Variants in AATF observed in about 807,000 individuals in gnomAD.
The protein encoded by AATF is apoptosis antagonizing transcription factor, also known as protein AATF.
AATF carries 48 observed loss-of-function variants against 63.7 expected under a neutral mutation model. That is an observed-to-expected ratio of 0.75 (90% CI 0.60 to 0.96). The LOEUF (loss-of-function observed/expected upper bound fraction) is 0.96, where lower values mean the gene tolerates loss of function less well. Ranked by LOEUF, AATF falls within the 40% of genes least tolerant of loss-of-function variation. AATF has a pLI of 0.00. For missense variants in AATF, 639 were observed against 685.7 expected (o/e 0.93, Z 0.76); for synonymous variants, 258 against 247.7 (o/e 1.04, Z -0.39).
intron 11 of AATF, among the ~76,000 whole-genome samples, chr17:37,035,224 A>G (rs2071582034): frequency 6.6e-6 from 1 of 151,794 alleles, no homozygotes; most frequent in African/African-American, 2.4e-5. Flanking sequence ...ATTTCTTTTT[A>G]TTATTTTTTT....
intron 8 of AATF, among the ~76,000 whole-genome samples, chr17:37,003,074 A>G (rs2071314273): frequency 6.6e-6 from 1 of 152,176 alleles, no homozygotes; most frequent in Admixed American, 6.5e-5. Flanking sequence ...TAATCAAGAC[A>G]TTGTGGTGCT....
intron 4 of AATF, among the ~76,000 whole-genome samples, chr17:36,954,274 G>A (rs1271369493): frequency 1.3e-5 from 2 of 151,694 alleles, no homozygotes; most frequent in Non-Finnish European, 2.9e-5. Context: ...TAGAGACAGG[G>A]TCTCACTGTG....
rs777143565 is a variant in AATF at position 36,953,013 on chromosome 17, G to A, written c.411G>A (p.Lys137=). The change falls in exon 3 of 12, where the codon AAG becomes AAA. Residue 137 remains lysine (K), a synonymous_variant. Transcript: ENST00000619387. ...EQECGDHRES[K]KSRSHSAKTP... ...AGTGTGGTGATCACAGGGAGAGCAA[G>A]AAGAGCAGAAGCCACTCTGCAAAAA... The A allele has an allele frequency of 6.2e-7, 1 of 1,614,174 alleles. No individual in the cohort carries two copies. The highest frequency in any genetic ancestry group is 8.5e-7 in the Non-Finnish European group (1 of 1,180,034).
rs182110877 is a variant in AATF, at chr17:36,963,318, A to G, written c.832+9411A>G. Among the ~76,000 whole-genome samples, 778 of 152,282 alleles carry G rather than the reference A, an allele frequency of 5.1e-3. 2 individuals carry two copies. Among genetic ancestry groups the G allele is most frequent in the Admixed American group, 6.1e-3 (94 of 15,290 alleles). ...GAATATCAATCTAGTGCTTAAAGTT[A>G]CAACATGCAGTCTTTGTACAGGACG... is the stretch of plus-strand genomic sequence containing the variant. On this transcript the variant is annotated intron_variant, in intron 4 of 11. Coordinates refer to ENST00000619387, the MANE Select transcript of AATF (RefSeq NM_012138.4).
At chr17:37,027,048 A>T (rs1038189415) in intron 10 of AATF, among the ~76,000 whole-genome samples, 3 of 152,226 alleles carry the variant, frequency 2.0e-5, no homozygotes, top group Non-Finnish European at 2.9e-5. Context: ...TACCTTCTGG[A>T]AACAGTTTAA....
intron 11 of AATF, among the ~76,000 whole-genome samples, chr17:37,044,836 G>A (rs922758084): frequency 1.3e-5 from 2 of 152,014 alleles, no homozygotes; most frequent in Admixed American, 6.6e-5. Context: ...TTTAGATTTC[G>A]GAGCATTTCA....
chr17:36,981,702 CTTTTTT>C (rs71368433), intron 4 of AATF, among the ~76,000 whole-genome samples: 2 of 110,480 alleles, frequency 1.8e-5, no homozygotes, highest in Non-Finnish European at 3.7e-5. Context: ...TCTTTCTTTT[CTTTTTT>C]TTTTTTTTTT....
At chr17:37,047,861 TTTG>T (rs1388226724) in intron 11 of AATF, among the ~76,000 whole-genome samples, 6 of 152,124 alleles carry the variant, frequency 3.9e-5, no homozygotes, top group Admixed American at 3.3e-4. Context: ...CGGCTGCGGT[TTTG>T]TTGTTTTGGA....
chr17:37,039,641 A>G (rs1158879304), intron 11 of AATF, among the ~76,000 whole-genome samples: 1 of 152,232 alleles, frequency 6.6e-6, no homozygotes, highest in African/African-American at 2.4e-5. Context: ...ATATATCATC[A>G]TTAAGGATGG....
chr17:36,968,820 G>C (rs1036597776), intron 4 of AATF, among the ~76,000 whole-genome samples: 10 of 151,940 alleles, frequency 6.6e-5, no homozygotes, highest in Non-Finnish European at 1.2e-4. Context: ...AGGTCTTGCT[G>C]TGTTGCCCAG....
At chr17:37,052,970 G>A (rs995743371) in intron 11 of AATF, among the ~76,000 whole-genome samples, 3 of 152,154 alleles carry the variant, frequency 2.0e-5, no homozygotes, top group Non-Finnish European at 4.4e-5. Context: ...GTTTGGGGAC[G>A]AGTCACTGTG....
intron 10 of AATF, among the ~76,000 whole-genome samples, chr17:37,028,226 A>AC (rs1486632374): frequency 6.6e-6 from 1 of 152,038 alleles, no homozygotes; most frequent in Non-Finnish European, 1.5e-5. Context: ...AGCCTGGACA[A>AC]CATAGCAAGA....
At chr17:36,967,076 T>C (rs528009830) in intron 4 of AATF, among the ~76,000 whole-genome samples, 5 of 152,330 alleles carry the variant, frequency 3.3e-5, no homozygotes, top group African/African-American at 1.2e-4. Flanking sequence ...GTTTTTTGTT[T>C]TGAATCCATG....
In AATF at chr17:37,014,152, A is replaced by G. The variant is rs530091278; in HGVS notation, c.1399-4853A>G. On this transcript the variant is annotated intron_variant, in intron 8 of 11. Coordinates refer to ENST00000619387, the MANE Select transcript of AATF (RefSeq NM_012138.4). ...GAGTCCTTACGTGTATGAAAAATGC[A>G]TTTATGTAACTCTCATTATACTTGG... 5.1e-4 allele frequency among the ~76,000 whole-genome samples: 77 copies of G among 152,214 alleles called. 3 individuals are homozygous for G. In the South Asian group the frequency reaches 0.015, roughly 30 times the overall value.
chr17:36,995,847 T>C (rs1224254332), intron 8 of AATF, among the ~76,000 whole-genome samples: 1 of 151,718 alleles, frequency 6.6e-6, no homozygotes, highest in Non-Finnish European at 1.5e-5. Context: ...AGATTACAGG[T>C]GTGAGCCACG....
intron 11 of AATF, among the ~76,000 whole-genome samples, chr17:37,038,582 G>A (rs897072568): frequency 1.3e-5 from 2 of 152,158 alleles, no homozygotes; most frequent in African/African-American, 4.8e-5. Context: ...GGTACTGTCA[G>A]TTAAAAGTGT....
chr17:37,056,350 G>A, intron 11 of AATF: 2 of 486,094 alleles, frequency 4.1e-6, no homozygotes, highest in Admixed American at 3.8e-5. Context: ...TCTGCAAAGG[G>A]CAAACTTACA....
intron 8 of AATF, among the ~76,000 whole-genome samples, chr17:37,009,793 T>C (rs374783956): frequency 4.0e-4 from 47 of 118,450 alleles, no homozygotes; most frequent in African/African-American, 1.3e-3. Context: ...GTCCGCAGTC[T>C]GGCCTGGGCG....
chr17:37,003,515 A>G (rs1265436177), intron 8 of AATF, among the ~76,000 whole-genome samples: 1 of 122,700 alleles, frequency 8.1e-6, no homozygotes, highest in East Asian at 2.2e-4. Flanking sequence ...GTCTCATGTC[A>G]CCAGGGCTGG....
Sources: allele counts gnomAD v4.1 joint callset (sites outside exome capture counted in the v4.1 genomes callset), GRCh38; gene constraint gnomAD v4.1.1; transcripts MANE v1.5; gene names NCBI Gene and HGNC (gene_info 2026-07-23, HGNC 2026-07-21).